Variants in ITGAM observed in about 807,000 individuals in gnomAD.
The protein encoded by ITGAM is integrin subunit alpha M, also known as integrin alpha-M.
In ITGAM, 79 loss-of-function variants were observed where a neutral mutation model predicts 137.5. That is an observed-to-expected ratio of 0.57 (90% CI 0.48 to 0.69). The LOEUF is 0.69. Ranked by LOEUF, ITGAM falls within the 30% of genes least tolerant of loss-of-function variation. The probability of loss-of-function intolerance (pLI) is 0.00; values close to 1 mark genes in which losing one functional copy is unlikely to be tolerated. For synonymous variants in ITGAM, 583 were observed against 592.3 expected (o/e 0.98, Z 0.23); for missense variants, 1,343 against 1,483.5 (o/e 0.91, Z 1.56).
At chr16:31,302,428 C>CTTTCTTCT (rs71390270) in intron 14 of ITGAM, among the ~76,000 whole-genome samples, 4 of 103,126 alleles carry the variant, frequency 3.9e-5, no homozygotes, top group South Asian at 2.8e-4. Context: ...TTCTTTCTTT[C>CTTTCTTCT]TTCTTTCTTT....
In ITGAM at chr16:31,302,725, C is replaced by T. The variant is rs1318681467; in HGVS notation, c.1707+4771C>T. On this transcript the variant is annotated intron_variant, in intron 14 of 29. Coordinates refer to ENST00000544665, the MANE Select transcript of ITGAM (RefSeq NM_000632.4). Reference sequence around the variant, plus strand: ...AATATTTTTCTCTTTTTAGGAGAGACGGGGTTTCACCATGTTGGCCAGGCT... The same window carrying T: ...AATATTTTTCTCTTTTTAGGAGAGATGGGGTTTCACCATGTTGGCCAGGCT... Among the ~76,000 whole-genome samples the T allele has an allele frequency of 9.2e-5, 14 of 151,866 alleles. No homozygotes were observed. The East Asian group carries it at 1.8e-3, about 19-fold the overall frequency.
intron 7 of ITGAM, among the ~76,000 whole-genome samples, chr16:31,272,544 C>G (rs2079863483): frequency 8.3e-6 from 1 of 120,458 alleles, no homozygotes; most frequent in Non-Finnish European, 1.6e-5. Context: ...AATGCAGTGG[C>G]CTGATCTCGG....
At chr16:31,323,936 C>A (rs2144489154) in intron 16 of ITGAM, among the ~76,000 whole-genome samples, 1 of 152,148 alleles carries the variant, frequency 6.6e-6, no homozygotes, top group South Asian at 2.1e-4. Flanking sequence ...ACGCTTGAAC[C>A]TGGGAGGCAG....
chr16:31,329,415 GGCTTGGTTCCAC>G, intron 24 of ITGAM, 112 bp downstream of exon 24: 7 of 810,656 alleles, frequency 8.6e-6, no homozygotes, highest in Non-Finnish European at 1.5e-5. Flanking sequence ...TGGTGTGCCA[GGCTTGGTTCCAC>G]GCTGCTATCA....
chr16:31,302,466 T>TCTTTCTTC (rs1567268065), intron 14 of ITGAM, among the ~76,000 whole-genome samples: 152 of 111,332 alleles, frequency 1.4e-3, no homozygotes, highest in African/African-American at 9.6e-3. Flanking sequence ...TTCCTTTCTT[T>TCTTTCTTC]CTTTCTTTCT....
At chr16:31,327,002 G>A in intron 22 of ITGAM, 67 bp downstream of exon 22, 1 of 1,229,348 alleles carries the variant, frequency 8.1e-7, no homozygotes, top group Non-Finnish European at 1.2e-6. Flanking sequence ...GGCCCATGGT[G>A]GGCCTTTGCC....
At chr16:31,298,598 C>T (rs1390027881) in intron 14 of ITGAM, among the ~76,000 whole-genome samples, 2 of 152,122 alleles carry the variant, frequency 1.3e-5, no homozygotes, top group Non-Finnish European at 2.9e-5. Flanking sequence ...GGTAAGGTGA[C>T]CAAGAGCTCT....
chr16:31,291,848 G>C (rs970327768), intron 12 of ITGAM, among the ~76,000 whole-genome samples: 1 of 151,930 alleles, frequency 6.6e-6, no homozygotes, highest in African/African-American at 2.4e-5. Context: ...AATACAGTTA[G>C]GAAAAATAAG....
intron 8 of ITGAM, 21 bp downstream of exon 8, chr16:31,273,539 G>A: frequency 6.2e-7 from 1 of 1,611,894 alleles, no homozygotes. Flanking sequence ...CAGCTCTCAG[G>A]TTGATGCTTC....
chr16:31,290,080 C>CAAAA (rs780127045), intron 12 of ITGAM, among the ~76,000 whole-genome samples: 20 of 56,006 alleles, frequency 3.6e-4, no homozygotes, highest in Admixed American at 6.5e-4. Context: ...AAACTCCATC[C>CAAAA]AAAAAAAAAA....
At chr16:31,272,422 A>AATAT (rs2079850545) in intron 7 of ITGAM, among the ~76,000 whole-genome samples, 31 of 48,966 alleles carry the variant, frequency 6.3e-4, no homozygotes, top group Non-Finnish European at 1.0e-3. Context: ...AGGCCAATTA[A>AATAT]CTATATATAT....
chr16:31,328,543 T>C (rs2080534493), intron 23 of ITGAM, among the ~76,000 whole-genome samples: 1 of 150,750 alleles, frequency 6.6e-6, no homozygotes, highest in Admixed American at 6.6e-5. Context: ...GGGTGTGTAT[T>C]TGTGCGTGTG....
At chr16:31,272,593 C>T (rs1165478518) in intron 7 of ITGAM, among the ~76,000 whole-genome samples, 1 of 143,052 alleles carries the variant, frequency 7.0e-6, no homozygotes, top group African/African-American at 2.5e-5. Context: ...AAGCAATTCT[C>T]CTGCCTCAGC....
At chr16:31,264,184 C>T (rs900866369) in intron 2 of ITGAM, among the ~76,000 whole-genome samples, 11 of 151,912 alleles carry the variant, frequency 7.2e-5, no homozygotes, top group South Asian at 2.1e-4. Context: ...CAGGGGCTCA[C>T]GCCTGTAATC....
intron 12 of ITGAM, among the ~76,000 whole-genome samples, chr16:31,285,801 T>C (rs1250782766): frequency 1.3e-5 from 2 of 151,200 alleles, no homozygotes; most frequent in East Asian, 1.9e-4. Flanking sequence ...CTTTTCTCTC[T>C]CTTTTTTTTT....
chr16:31,331,850 T>G lies in ITGAM; in HGVS notation c.*143T>G. 1.8e-6 allele frequency: 1 copy of G among 565,676 alleles called. No individual in the cohort carries two copies. The highest frequency in any genetic ancestry group is 3.1e-6 in the Non-Finnish European group (1 of 322,842). 35.0% of individuals were successfully genotyped at this position (565,676 alleles called of 1,614,324 possible). ...GGGCTTCCATTTGTGTGTGTGCAAGTGTGTATGTGCGTGTGTGCAAGTGTC... is the reference window on the plus strand; with the variant it reads ...GGGCTTCCATTTGTGTGTGTGCAAGGGTGTATGTGCGTGTGTGCAAGTGTC... On this transcript the variant is annotated 3_prime_UTR_variant, in exon 30 of 30. Coordinates refer to ENST00000544665, the MANE Select transcript of ITGAM (RefSeq NM_000632.4).
At chr16:31,295,133 G>C (rs1019825342) in intron 12 of ITGAM, among the ~76,000 whole-genome samples, 2 of 152,046 alleles carry the variant, frequency 1.3e-5, no homozygotes, top group African/African-American at 4.8e-5. Flanking sequence ...GAGCTTTCTT[G>C]ACACAGTATG....
At chr16:31,330,469 G>T in intron 27 of ITGAM, 35 bp from the exon 28 acceptor site, 1 of 1,611,256 alleles carries the variant, frequency 6.2e-7, no homozygotes, top group Non-Finnish European at 8.5e-7. Flanking sequence ...GGTGCTCAGG[G>T]CCCAGGTGCA....
intron 3 of ITGAM, 136 bp from the exon 4 acceptor site, chr16:31,265,675 T>C: frequency 1.2e-6 from 1 of 829,668 alleles, no homozygotes; most frequent in Non-Finnish European, 1.9e-6. Context: ...CTGTGTTCCT[T>C]TCTTTCCCAA....
Sources: allele counts gnomAD v4.1 joint callset (sites outside exome capture counted in the v4.1 genomes callset), GRCh38; gene constraint gnomAD v4.1.1; transcripts MANE v1.5; gene names NCBI Gene and HGNC (gene_info 2026-07-23, HGNC 2026-07-21).